The following ARHGEF38 variants were observed in gnomAD, a reference collection of about 807,000 sequenced individuals.
The protein encoded by ARHGEF38 is Rho guanine nucleotide exchange factor (GEF) 38.
A neutral mutation model predicts 79.9 loss-of-function variants in ARHGEF38; 79 were observed. That is an observed-to-expected ratio of 0.99 (90% CI 0.82 to 1.19). ARHGEF38 has a LOEUF of 1.19. ARHGEF38 is among the 50% of genes most tolerant of loss of function. The pLI is 0.00. For synonymous variants in ARHGEF38, 366 were observed against 328.3 expected (o/e 1.11, Z -1.24); for missense variants, 962 against 907.2 (o/e 1.06, Z -0.78).
At chr4:105,604,198 G>T (rs1029895501) in intron 2 of ARHGEF38, among the ~76,000 whole-genome samples, 4 of 152,102 alleles carry the variant, frequency 2.6e-5, no homozygotes, top group Admixed American at 2.6e-4. Flanking sequence ...GAAACCATTG[G>T]AAATTTAAAC....
intron 2 of ARHGEF38, among the ~76,000 whole-genome samples, chr4:105,590,341 C>T (rs1404233736): frequency 6.6e-6 from 1 of 152,020 alleles, no homozygotes; most frequent in Non-Finnish European, 1.5e-5. Context: ...GTTGTAAATA[C>T]ACAAATCAAA....
intron 2 of ARHGEF38, among the ~76,000 whole-genome samples, chr4:105,612,824 C>G (rs756030866): frequency 6.6e-6 from 1 of 152,034 alleles, no homozygotes; most frequent in Non-Finnish European, 1.5e-5. Flanking sequence ...AATAATTACA[C>G]TGGTTGTTAA....
At position 105,667,274 on chromosome 4, in the gene ARHGEF38, T is replaced by C. The variant is rs1730785663; in HGVS notation, c.1835T>C (p.Ile612Thr). 3 of 1,536,070 alleles carry C rather than the reference T, an allele frequency of 2.0e-6. No homozygotes were observed. The highest frequency in any genetic ancestry group is 1.2e-5 in the South Asian group (1 of 84,066). The change falls in exon 12 of 14, where the codon ATA becomes ACA. Residue 612 changes from isoleucine to threonine, a missense_variant. Coordinates refer to ENST00000420470, the MANE Select transcript of ARHGEF38 (RefSeq NM_001242729.2). Reference sequence around the variant, plus strand: ...CTGGAAGGAGACTTGGTGGCTGTGATAGAACAGAAAGATCCACTGGGGAGT... The same window carrying C: ...CTGGAAGGAGACTTGGTGGCTGTGACAGAACAGAAAGATCCACTGGGGAGT... The part of the protein sequence containing the change: ...NLLEGDLVAV[I>T]EQKDPLGSTS...
intron 9 of ARHGEF38, among the ~76,000 whole-genome samples, chr4:105,657,212 A>C (rs1730369208): frequency 6.6e-6 from 1 of 152,210 alleles, no homozygotes; most frequent in Non-Finnish European, 1.5e-5. Context: ...TTAAGTTAAT[A>C]TATATTTATT....
chr4:105,670,325 G>T (rs902882210), intron 13 of ARHGEF38, among the ~76,000 whole-genome samples: 1 of 152,048 alleles, frequency 6.6e-6, no homozygotes, highest in African/African-American at 2.4e-5. Flanking sequence ...TTTAATTATA[G>T]CCATCTTGTG....
At chr4:105,594,645 C>G (rs1160583142) in intron 2 of ARHGEF38, among the ~76,000 whole-genome samples, 2 of 152,190 alleles carry the variant, frequency 1.3e-5, no homozygotes, top group East Asian at 3.9e-4. Flanking sequence ...AAGTTCCTGG[C>G]TTAACTGAGT....
chr4:105,670,556 A>G (rs1454504272), intron 13 of ARHGEF38, among the ~76,000 whole-genome samples: 1 of 152,072 alleles, frequency 6.6e-6, no homozygotes, highest in Admixed American at 6.6e-5. Flanking sequence ...TTAATCAGAT[A>G]TATAATTTGC....
At chr4:105,616,823 T>C (rs1728530319) in intron 3 of ARHGEF38, among the ~76,000 whole-genome samples, 1 of 152,188 alleles carries the variant, frequency 6.6e-6, no homozygotes, top group South Asian at 2.1e-4. Context: ...AGTTTAGTCA[T>C]TATTTTTAAA....
chr4:105,553,112 C>T lies in ARHGEF38; in HGVS notation c.196+151C>T, dbSNP rs186212359. On this transcript the variant is annotated intron_variant, in intron 1 of 13. Coordinates refer to ENST00000420470, the MANE Select transcript of ARHGEF38 (RefSeq NM_001242729.2). ...AATAAGAAGATGAAAGTAAATGTGA[C>T]CTATAAATTATAGGGAAAAAAATTT... 5 of 598,774 alleles carry T rather than the reference C, an allele frequency of 8.4e-6. No homozygotes were observed. The Admixed American group carries it at 1.8e-4, about 21-fold the overall frequency. The allele number at this position is 598,774 out of a possible 1,614,324, so 37.1% of individuals were successfully genotyped here.
At chr4:105,607,710 A>G (rs1314048325) in intron 2 of ARHGEF38, among the ~76,000 whole-genome samples, 1 of 152,128 alleles carries the variant, frequency 6.6e-6, no homozygotes, top group African/African-American at 2.4e-5. Flanking sequence ...CATTTTGGCT[A>G]CAATTAAAAG....
intron 13 of ARHGEF38, among the ~76,000 whole-genome samples, chr4:105,671,243 C>G (rs1377966384): frequency 6.6e-6 from 1 of 152,158 alleles, no homozygotes; most frequent in African/African-American, 2.4e-5. Context: ...ATCGGTAGCA[C>G]ATGGGATCCC....
intron 2 of ARHGEF38, among the ~76,000 whole-genome samples, chr4:105,598,803 AACTCAATAAAATTTTTCTTG>A (rs1226251789): frequency 6.6e-6 from 1 of 152,174 alleles, no homozygotes; most frequent in Non-Finnish European, 1.5e-5. Context: ...AGAAAAAAAA[AACTCAATAAAATTTTTCTTG>A]ATTTTATGTA....
At chr4:105,579,610 A>G (rs1429556012) in intron 1 of ARHGEF38, among the ~76,000 whole-genome samples, 4 of 152,026 alleles carry the variant, frequency 2.6e-5, no homozygotes, top group South Asian at 2.1e-4. Context: ...TAGCTTTTTG[A>G]TGTGCTGCTG....
At position 105,613,425 on chromosome 4, in the gene ARHGEF38, G is replaced by T. The variant is rs1227231685; in HGVS notation, c.426G>T (p.Glu142Asp). 2 of 1,613,262 alleles carry T rather than the reference G, an allele frequency of 1.2e-6. No individual in the cohort carries two copies. Among genetic ancestry groups the T allele is most frequent in the Non-Finnish European group, 1.7e-6 (2 of 1,179,512 alleles). Reference sequence around the variant, plus strand: ...TGGATAGCTTGTTTAGCAACATTGAGTCCGTGCATCAGATATCAGCCAAGC... The same window carrying T: ...TGGATAGCTTGTTTAGCAACATTGATTCCGTGCATCAGATATCAGCCAAGC... ...LDVDSLFSNI[E>D]SVHQISAKLL... The change falls in exon 3 of 14, where the codon GAG (glutamate) becomes GAT (aspartate). Residue 142 changes from glutamate to aspartate, a missense_variant. Physicochemically the swap from Glu to Asp is conservative, Grantham distance 45 (BLOSUM62 2). Coordinates refer to ENST00000420470, the MANE Select transcript of ARHGEF38 (RefSeq NM_001242729.2).
chr4:105,630,903 G>T lies in ARHGEF38; in HGVS notation c.514G>T (p.Val172Leu), dbSNP rs1441420568. 1 of 1,607,372 alleles carries T rather than the reference G, an allele frequency of 6.2e-7. No individual in the cohort carries two copies. Among genetic ancestry groups the T allele is most frequent in the Admixed American group, 1.7e-5 (1 of 58,608 alleles). The change falls in exon 4 of 14, where the codon GTA becomes TTA. Residue 172 changes from valine to leucine, a missense_variant. Coordinates refer to ENST00000420470, the MANE Select transcript of ARHGEF38 (RefSeq NM_001242729.2). ...VEPAMQVIGE[V>L]FLQIKGPLED... ...CTTTGTTTTGCATTTATCAGGAGAAGTATTCTTGCAGATTAAAGGGCCACT... is the reference window on the plus strand; with the variant it reads ...CTTTGTTTTGCATTTATCAGGAGAATTATTCTTGCAGATTAAAGGGCCACT...
chr4:105,553,084 C>A, intron 1 of ARHGEF38, 123 bp downstream of exon 1: 4 of 687,490 alleles, frequency 5.8e-6, no homozygotes, highest in South Asian at 2.7e-5. Flanking sequence ...CTCCTTCCCA[C>A]AAAATAAGAA....
chr4:105,612,949 A>G (rs1374114357), intron 2 of ARHGEF38, among the ~76,000 whole-genome samples: 1 of 152,130 alleles, frequency 6.6e-6, no homozygotes. Context: ...CAGCACATCT[A>G]CTTATCATCA....
At chr4:105,676,898 A>G (rs1433557580) in intron 13 of ARHGEF38, among the ~76,000 whole-genome samples, 1 of 151,862 alleles carries the variant, frequency 6.6e-6, no homozygotes, top group Non-Finnish European at 1.5e-5. Flanking sequence ...AAGGTTTACT[A>G]TTTTATCATA....
intron 1 of ARHGEF38, among the ~76,000 whole-genome samples, chr4:105,583,494 T>C (rs1322231276): frequency 6.6e-6 from 1 of 152,136 alleles, no homozygotes; most frequent in Non-Finnish European, 1.5e-5. Context: ...AAAAACCACC[T>C]CTCCCAGATA....
Sources: gnomAD v4.1 joint callset for allele counts (sites outside exome capture counted in the v4.1 genomes callset) on GRCh38, gnomAD v4.1.1 for gene constraint, MANE v1.5 for transcripts, NCBI Gene and HGNC (gene_info 2026-07-23, HGNC 2026-07-21) for gene names.